Variants in CUX1 observed in about 807,000 individuals in gnomAD.
The protein encoded by CUX1 is cut like homeobox 1, also known as protein CASP.
CUX1 carries 31 observed loss-of-function variants against 158.8 expected under a neutral mutation model. The ratio of observed to expected loss-of-function variants is 0.20; its 90% CI spans 0.15 to 0.26. The LOEUF (loss-of-function observed/expected upper bound fraction) is 0.26. Ranked by LOEUF, CUX1 falls within the 10% of genes least tolerant of loss-of-function variation. The probability of loss-of-function intolerance (pLI) is 1.00; values close to 1 mark genes in which losing one functional copy is unlikely to be tolerated. For missense variants in CUX1, 1,589 were observed against 2,014.6 expected, an observed-to-expected ratio of 0.79 and a Z score of 4.04; for synonymous variants, 879 against 862.1, an observed-to-expected ratio of 1.02 and a Z score of -0.34.
intron 20 of CUX1, among the ~76,000 whole-genome samples, chr7:102,207,017 G>A (rs1390977342): frequency 6.6e-6 from 1 of 152,144 alleles, no homozygotes; most frequent in Non-Finnish European, 1.5e-5. Context: ...GAAGAATGAC[G>A]TTTTACTTTG....
chr7:102,196,822 C>A lies in CUX1; in HGVS notation c.1411C>A (p.Pro471Thr), dbSNP rs1554518489. The A allele has an allele frequency of 6.2e-7, 1 of 1,614,208 alleles. No individual in the cohort carries two copies. Among genetic ancestry groups the A allele is most frequent in the Non-Finnish European group, 8.5e-7 (1 of 1,180,042 alleles). Residue 471 changes from proline (P) to threonine (T), a missense_variant, in exon 15 of 24, where the codon CCC becomes ACC. Transcript: ENST00000292535. ...FSSSLASPSL[P>T]LASTGKFALN... Reference sequence around the variant, plus strand: ...CTCATCCCTGGCAAGCCCCAGCCTACCCCTGGCTTCTACAGGAAAATTTGC... The same window carrying A: ...CTCATCCCTGGCAAGCCCCAGCCTAACCCTGGCTTCTACAGGAAAATTTGC...
chr7:102,153,080 T>C (rs1391187429), intron 8 of CUX1, among the ~76,000 whole-genome samples: 1 of 152,204 alleles, frequency 6.6e-6, no homozygotes, highest in Non-Finnish European at 1.5e-5. Flanking sequence ...GTGGGACTGA[T>C]TTTTTTATAA....
At chr7:101,918,311 C>T (rs1804481865) in intron 2 of CUX1, among the ~76,000 whole-genome samples, 1 of 152,234 alleles carries the variant, frequency 6.6e-6, no homozygotes, top group Non-Finnish European at 1.5e-5. Context: ...CTCAAAGACA[C>T]CTGGCCTTAA....
intron 4 of CUX1, among the ~76,000 whole-genome samples, chr7:102,084,327 A>T (rs1827739933): frequency 6.7e-6 from 1 of 149,226 alleles, no homozygotes; most frequent in African/African-American, 2.4e-5. Flanking sequence ...ATATAATAAT[A>T]ATATAGGTGA....
chr7:102,266,203 CAAAAAAA>C lies in CUX1; in HGVS notation c.1256-7152_1256-7146del, dbSNP rs34666659. ...TGGGTGACAGAGTGAGACTCCGTTT[CAAAAAAA>C]AAAAAAAAAAGAGAGAGAGAGAGAC... On this transcript the variant is annotated intron_variant, in intron 14 of 22. Coordinates refer to the CUX1 transcript ENST00000292538. Among the ~76,000 whole-genome samples the C allele has an allele frequency of 5.9e-5, 6 of 100,950 alleles. No homozygotes were observed. The East Asian group carries it at 1.0e-3, about 17-fold the overall frequency. 66.2% of individuals were successfully genotyped at this position (100,950 alleles called of 152,430 possible).
chr7:102,261,665 G>C (rs1338919055), downstream of CUX1, among the ~76,000 whole-genome samples: 1 of 152,028 alleles, frequency 6.6e-6, no homozygotes, highest in Non-Finnish European at 1.5e-5. Context: ...CAGTGTCTCT[G>C]TGGTCAGGAG....
chr7:102,171,548 A>AG (rs1364807240), intron 10 of CUX1, among the ~76,000 whole-genome samples: 1 of 151,318 alleles, frequency 6.6e-6, no homozygotes, highest in Non-Finnish European at 1.5e-5. Context: ...CCCAGGCTCA[A>AG]GGGATCCTCC....
intron 2 of CUX1, among the ~76,000 whole-genome samples, chr7:101,934,074 G>A (rs187414989): frequency 1.3e-5 from 2 of 152,312 alleles, no homozygotes; most frequent in Admixed American, 6.5e-5. Flanking sequence ...ATCACAGCCT[G>A]TTGAAATCCC....
intron 2 of CUX1, among the ~76,000 whole-genome samples, chr7:101,983,416 C>A (rs951470168): frequency 6.6e-6 from 1 of 152,188 alleles, no homozygotes; most frequent in East Asian, 1.9e-4. Flanking sequence ...TGAGGTGGTT[C>A]AGTTTTTTTC....
At chr7:102,057,014 G>A (rs1824235593) in intron 3 of CUX1, among the ~76,000 whole-genome samples, 1 of 151,230 alleles carries the variant, frequency 6.6e-6, no homozygotes, top group Admixed American at 6.6e-5. Context: ...TGATTCTCCT[G>A]CCTCAGCCTC....
chr7:102,184,171 T>A (rs1220316981), intron 11 of CUX1, among the ~76,000 whole-genome samples: 3 of 152,204 alleles, frequency 2.0e-5, no homozygotes, highest in Non-Finnish European at 4.4e-5. Flanking sequence ...GTGCTGGGGT[T>A]ACAGGCGTGA....
intron 1 of CUX1, among the ~76,000 whole-genome samples, chr7:101,855,707 G>A (rs1347989030): frequency 1.3e-5 from 2 of 151,318 alleles, no homozygotes; most frequent in South Asian, 2.1e-4. Flanking sequence ...GTGAAACCCC[G>A]TCTCTACTAA....
chr7:102,123,157 G>A (rs554950981), intron 8 of CUX1, among the ~76,000 whole-genome samples: 4 of 152,184 alleles, frequency 2.6e-5, no homozygotes, highest in Non-Finnish European at 4.4e-5. Flanking sequence ...CTTGAACTTA[G>A]GAGGCAGAGG....
In CUX1 at chr7:102,201,409, C is replaced by T. The variant is rs782504557; in HGVS notation, c.2112C>T (p.Asp704=). The T allele has an allele frequency of 1.8e-5, 29 of 1,613,914 alleles. No individual in the cohort carries two copies. The highest frequency in any genetic ancestry group is 2.7e-5 in the African/African-American group (2 of 74,920). ...SSASGSGNSD[D]AIRSILQQAR... ...CATCCGGCAGCGGGAACTCTGATGA[C>T]GCCATCCGCTCCATCCTGCAGCAAG... The change falls in exon 18 of 24, where the codon GAC becomes GAT. Residue 704 remains aspartate, a synonymous_variant. Transcript: ENST00000292535. The surrounding 1 kb of genome is among the most constrained non-coding windows in gnomAD (Gnocchi z 5.0).
chr7:102,248,762 C>T lies in CUX1; in HGVS notation c.4238C>T (p.Ala1413Val). ...CCCGCCTCCGCGACCGCCACCGCCG[C>T]GCCCGCGGCCCCCGAGGACGCCGCT... Reference protein sequence around the residue: ...PSPASATATAAPAAPEDAATS... With the variant: ...PSPASATATAVPAAPEDAATS... Residue 1413 changes from alanine to valine, a missense_variant, in exon 24 of 24, where the codon GCG becomes GTG. Around this residue, in one of 8 missense-constraint regions of CUX1, gnomAD observed 344 missense variants for 323.7 expected, o/e 1.06. Transcript: ENST00000292535. The surrounding 1 kb of genome is among the most constrained non-coding windows in gnomAD (Gnocchi z 5.8). The T allele has an allele frequency of 7.7e-6, 8 of 1,034,516 alleles. No individual in the cohort carries two copies. The South Asian group carries it at 2.5e-4, about 32-fold the overall frequency. 64.1% of individuals were successfully genotyped at this position (1,034,516 alleles called of 1,614,324 possible). A position where few individuals can be genotyped will look rare whatever the true frequency, so the allele number is the denominator to read the frequency against.
At chr7:102,265,224 C>T (rs1159530664) in intron 14 of CUX1, among the ~76,000 whole-genome samples, 12 of 151,786 alleles carry the variant, frequency 7.9e-5, no homozygotes, top group African/African-American at 2.7e-4. Flanking sequence ...GGCATGGTAG[C>T]GGGCGCCTGT....
intron 3 of CUX1, among the ~76,000 whole-genome samples, chr7:102,064,709 T>C (rs531357060): frequency 6.6e-6 from 1 of 152,232 alleles, no homozygotes; most frequent in African/African-American, 2.4e-5. Flanking sequence ...GCAGAGTCAC[T>C]GTGTTGTGTC....
rs1435306850 is a variant in CUX1, at chr7:102,201,715, C to T, written c.2418C>T (p.Val806=). The T allele has an allele frequency of 3.1e-6, 5 of 1,612,638 alleles. No homozygotes were observed. Among genetic ancestry groups the T allele is most frequent in the Non-Finnish European group, 4.2e-6 (5 of 1,179,908 alleles). The change falls in exon 18 of 24, where the codon GTC becomes GTT. Residue 806 remains valine, a synonymous_variant. Transcript: ENST00000292535. This position sits in a 1 kb window ranked among gnomAD's most constrained non-coding sequence, Gnocchi z 5.0. The stretch of plus-strand genomic sequence containing the variant: ...GAGCAGCCGATTGTGCACAAGGGGT[C>T]CTGAGACAGGTGAAAAATGAGGTGG... The part of the protein sequence containing the change: ...PQGAADCAQG[V]LRQVKNEVGR...
At chr7:101,829,288 C>G (rs779531775) in intron 1 of CUX1, among the ~76,000 whole-genome samples, 2 of 152,160 alleles carry the variant, frequency 1.3e-5, no homozygotes, top group African/African-American at 4.8e-5. Flanking sequence ...CATACCATAT[C>G]TACAGTTTTA....
Sources: gnomAD v4.1 joint callset for allele counts (sites outside exome capture counted in the v4.1 genomes callset) on GRCh38, gnomAD v4.1.1 for gene constraint, gnomAD v4.1.1 regional missense constraint, Gnocchi (gnomAD v3.1) non-coding constraint, MANE v1.5 for transcripts, NCBI Gene and HGNC (gene_info 2026-07-23, HGNC 2026-07-21) for gene names.